Variants in MAP2K7 observed in about 807,000 individuals in gnomAD.
MAP2K7 encodes the protein dual specificity mitogen-activated protein kinase kinase 7.
Under a neutral mutation model 47.7 loss-of-function variants are expected in MAP2K7, and 12 were observed. The observed-to-expected ratio is 0.25, with a 90% CI of 0.16 to 0.41. The LOEUF (loss-of-function observed/expected upper bound fraction) is 0.41. Ranked by LOEUF, MAP2K7 falls within the 10% of genes least tolerant of loss-of-function variation. The pLI is 1.00. For missense variants in MAP2K7, 415 were observed against 600.3 expected (o/e 0.69, Z 3.23); for synonymous variants, 299 against 243.0 (o/e 1.23, Z -2.14).
Position 7,912,174 on chromosome 19 carries a change from C to T in MAP2K7, c.1105C>T (p.Pro369Ser), listed in dbSNP as rs1330906396. 6.2e-7 allele frequency: 1 copy of T among 1,613,938 alleles called. No homozygotes were observed. Among genetic ancestry groups the T allele is most frequent in the Non-Finnish European group, 8.5e-7 (1 of 1,179,996 alleles). ...DCLTKDHRKR[P>S]KYNKLLEHSF... ...CCTTACTAAAGATCACAGGAAGAGA[C>T]CAAAGTATAATAAGCTACTTGTGAG... Residue 369 changes from proline to serine, a missense_variant, in exon 10 of 11, where the codon CCA (proline) becomes TCA (serine). Pro to Ser is a moderately conservative substitution (Grantham distance 74, BLOSUM62 -1). This residue lies in a region of MAP2K7 where 94 missense variants were observed against 105.2 expected (regional missense o/e 0.89). Coordinates refer to ENST00000397979, the MANE Select transcript of MAP2K7 (RefSeq NM_145185.4).
At chr19:7,910,942 GC>G in intron 6 of MAP2K7, 37 bp from the exon 7 acceptor site, 1 of 1,597,530 alleles carries the variant, frequency 6.3e-7, no homozygotes, top group Non-Finnish European at 8.6e-7. Context: ...TTGGGTCTGT[GC>G]CCCCTGCCAC....
chr19:7,907,934 G>A lies in MAP2K7; in HGVS notation c.125-1821G>A, dbSNP rs994105440. On this transcript the variant is annotated intron_variant, in intron 1 of 10. Coordinates refer to ENST00000397979, the MANE Select transcript of MAP2K7 (RefSeq NM_145185.4). ...GGCTGTGGCTCAGGCCATGGACAGA[G>A]CAGAGGCGCAGGGACCTGAAGAAGC... Among the ~76,000 whole-genome samples, 28 of 152,168 alleles carry A rather than the reference G, an allele frequency of 1.8e-4. No homozygotes were observed. In the East Asian group the frequency reaches 3.1e-3, roughly 17 times the overall value.
chr19:7,907,463 G>T (rs540916769), intron 1 of MAP2K7, among the ~76,000 whole-genome samples: 1 of 152,174 alleles, frequency 6.6e-6, no homozygotes, highest in East Asian at 1.9e-4. Context: ...GGCTCCTGTC[G>T]GCAGACACGT....
chr19:7,905,754 G>A (rs1982405578), intron 1 of MAP2K7: 10 of 1,438,160 alleles, frequency 7.0e-6, no homozygotes, highest in African/African-American at 2.8e-5. Context: ...CGAATCAGTC[G>A]TTTCTGTTGT....
rs1568281518 is a variant in MAP2K7, at chr19:7,913,070, T to TC, written c.*639_*640insC. 1.4e-5 allele frequency: 2 copies of TC among 139,692 alleles called. No individual in the cohort carries two copies. Among genetic ancestry groups the TC allele is most frequent in the East Asian group, 2.1e-4 (1 of 4,770 alleles). 8.7% of individuals were successfully genotyped at this position (139,692 alleles called of 1,614,324 possible). ...TCTCTCTCTCTCTCTCTCTCTCTCT[T>TC]TGATCTCAGGGGGTCCTTTTTGGAG... On this transcript the variant is annotated 3_prime_UTR_variant, in exon 11 of 11. Coordinates refer to ENST00000397979, the MANE Select transcript of MAP2K7 (RefSeq NM_145185.4).
Position 7,910,536 on chromosome 19 carries a change from C to G in MAP2K7, c.531C>G (p.Pro177=). 1 of 1,613,706 alleles carries G rather than the reference C, an allele frequency of 6.2e-7. No individual in the cohort carries two copies. The highest frequency in any genetic ancestry group is 1.1e-5 in the South Asian group (1 of 91,088). The change falls in exon 5 of 11, where the codon CCC becomes CCG. Residue 177 remains proline (P), a synonymous_variant. Transcript: ENST00000397979. ...TGGTGCTGAAGAGCCACGACTGCCC[C>G]TACATCGTGCAGTGCTTTGGGACGT... ...LDVVLKSHDC[P]YIVQCFGTFI...
At chr19:7,906,181 G>A (rs1200001135) in intron 1 of MAP2K7, 11 of 361,752 alleles carry the variant, frequency 3.0e-5, no homozygotes, top group African/African-American at 1.0e-4. Context: ...CTGAGAGAAC[G>A]AGAAAGTTGG....
chr19:7,909,647 C>G (rs999920152), intron 1 of MAP2K7, 108 bp from the exon 2 acceptor site: 12 of 642,830 alleles, frequency 1.9e-5, no homozygotes, highest in Middle Eastern at 4.2e-4. Context: ...CTCGGGAAAC[C>G]CAGGAGGGGA....
chr19:7,909,902 C>T lies in MAP2K7; in HGVS notation c.266+6C>T, dbSNP rs891672367. The T allele has an allele frequency of 2.3e-5, 34 of 1,510,600 alleles. No homozygotes were observed. The Middle Eastern group carries it at 9.2e-4, about 41-fold the overall frequency. 93.6% of individuals were successfully genotyped at this position (1,510,600 alleles called of 1,614,324 possible). The stretch of plus-strand genomic sequence containing the variant: ...ACACCCCGCAGCATGGAGAGGTGAG[C>T]CAGGGGCCCAGCAGGGTTGGGTGGG... On this transcript the variant is annotated splice_donor_region_variant and intron_variant, in intron 2 of 10. Transcript: ENST00000397979.
chr19:7,910,198 G>A (rs768877000), intron 3 of MAP2K7, 62 bp from the exon 4 acceptor site: 36 of 1,601,420 alleles, frequency 2.2e-5, no homozygotes, highest in Middle Eastern at 1.7e-4. Context: ...GGGAGCGCCA[G>A]TGGGGGGCAG....
Position 7,912,832 on chromosome 19 carries a change from G to A in MAP2K7, c.*401G>A, listed in dbSNP as rs1451249973. 1.3e-5 allele frequency: 3 copies of A among 231,568 alleles called. No homozygotes were observed. Among genetic ancestry groups the A allele is most frequent in the Admixed American group, 5.2e-5 (1 of 19,244 alleles). The allele number at this position is 231,568 out of a possible 1,614,324, so 14.3% of individuals were successfully genotyped here. ...CCCACGCGCCCGTTCCTCTTCCGTCGCCCTCTGTCCCCTGCTCTACCTCTC... is the reference window on the plus strand; with the variant it reads ...CCCACGCGCCCGTTCCTCTTCCGTCACCCTCTGTCCCCTGCTCTACCTCTC... On this transcript the variant is annotated 3_prime_UTR_variant, in exon 11 of 11. Transcript: ENST00000397979.
At position 7,909,913 on chromosome 19, in the gene MAP2K7, G is replaced by A; in HGVS notation, c.266+17G>A. ...CATGGAGAGGTGAGCCAGGGGCCCA[G>A]CAGGGTTGGGTGGGAAGCAGCATTG... is the stretch of plus-strand genomic sequence containing the variant. On this transcript the variant is annotated intron_variant, in intron 2 of 10. Transcript: ENST00000397979. 1 of 1,506,344 alleles carries A rather than the reference G, an allele frequency of 6.6e-7. No homozygotes were observed. The highest frequency in any genetic ancestry group is 8.9e-7 in the Non-Finnish European group (1 of 1,123,662). The allele number at this position is 1,506,344 out of a possible 1,614,324, so 93.3% of individuals were successfully genotyped here. A position where few individuals can be genotyped will look rare whatever the true frequency, so the allele number is the denominator to read the frequency against.
Position 7,912,361 on chromosome 19 carries a change from T to TCATGGCGAAGACTGA in MAP2K7, c.1191_1205dup (p.Thr401_Glu402insAspMetAlaLysThr), listed in dbSNP as rs751711337. On this transcript the variant is annotated inframe_insertion, in exon 11 of 11. Coordinates refer to ENST00000397979, the MANE Select transcript of MAP2K7 (RefSeq NM_145185.4). ...GACGTGGCGTCCTGGTTCAAGGATG[T>TCATGGCGAAGACTGA]CATGGCGAAGACTGAGTCACCGCGG... 3 of 1,613,278 alleles carry TCATGGCGAAGACTGA rather than the reference T, an allele frequency of 1.9e-6. No homozygotes were observed. The Admixed American group carries it at 5.0e-5, about 27-fold the overall frequency.
In MAP2K7 at chr19:7,910,060, C is replaced by A; in HGVS notation, c.267-3C>A. The stretch of plus-strand genomic sequence containing the variant: ...TCCACCGGCACCTGCTCCATGTCCC[C>A]AGCATTGAGATTGACCAGAAGCTGC... On this transcript the variant is annotated splice_polypyrimidine_tract_variant and splice_region_variant and intron_variant, in intron 2 of 10. Transcript: ENST00000397979. The A allele has an allele frequency of 6.2e-7, 1 of 1,600,110 alleles. No individual in the cohort carries two copies. The highest frequency in any genetic ancestry group is 2.2e-5 in the East Asian group (1 of 44,538).
intron 1 of MAP2K7, among the ~76,000 whole-genome samples, chr19:7,909,169 T>G (rs1982652829): frequency 6.6e-6 from 1 of 152,200 alleles, no homozygotes; most frequent in Non-Finnish European, 1.5e-5. Context: ...GAGGCCCTCA[T>G]GTCAGCCCAC....
At chr19:7,906,071 G>T (rs543755216) in intron 1 of MAP2K7, 203 of 585,686 alleles carry the variant, frequency 3.5e-4, no homozygotes, top group South Asian at 5.3e-4. Flanking sequence ...CTTACTCCCA[G>T]CTCCACTTTG....
rs759996040 is a variant in MAP2K7, at chr19:7,910,758, G to A, written c.630G>A (p.Met210Ile). Residue 210 changes from methionine (M) to isoleucine (I), a missense_variant, in exon 6 of 11, where the codon ATG (methionine) becomes ATA (isoleucine). Met to Ile is a conservative substitution (Grantham distance 10). Transcript: ENST00000397979. Reference sequence around the variant, plus strand: ...GCGCTGAGAAGCTCAAGAAGCGGATGCAGGGCCCCATCCCCGAGCGCATTC... The same window carrying A: ...GCGCTGAGAAGCTCAAGAAGCGGATACAGGGCCCCATCCCCGAGCGCATTC... The part of the protein sequence containing the change: ...GTCAEKLKKR[M>I]QGPIPERILG... 15 of 1,612,082 alleles carry A rather than the reference G, an allele frequency of 9.3e-6. No homozygotes were observed. The South Asian group carries it at 1.5e-4, about 17-fold the overall frequency.
chr19:7,911,033 C>A lies in MAP2K7; in HGVS notation c.729C>A (p.Asp243Glu). 6.2e-7 allele frequency: 1 copy of A among 1,612,786 alleles called. No homozygotes were observed. Among genetic ancestry groups the A allele is most frequent in the Non-Finnish European group, 8.5e-7 (1 of 1,179,890 alleles). ...LKEKHGVIHR[D>E]VKPSNILLDE... ...AGAAGCACGGTGTCATCCACCGCGA[C>A]GTCAAGCCCTCCAACATCCTGCTGG... Residue 243 changes from aspartate (D) to glutamate (E), a missense_variant, in exon 7 of 11, where the codon GAC becomes GAA. Asp to Glu is a conservative substitution (Grantham distance 45, BLOSUM62 2). Coordinates refer to ENST00000397979, the MANE Select transcript of MAP2K7 (RefSeq NM_145185.4).
intron 1 of MAP2K7, chr19:7,905,724 T>A: frequency 8.1e-7 from 1 of 1,235,422 alleles, no homozygotes; most frequent in Non-Finnish European, 1.2e-6. Flanking sequence ...CGTTTATGAT[T>A]TGATTTCTTT....
Sources: allele counts gnomAD v4.1 joint callset (sites outside exome capture counted in the v4.1 genomes callset), GRCh38; gene constraint gnomAD v4.1.1; regional missense constraint gnomAD v4.1.1; transcripts MANE v1.5; gene names NCBI Gene and HGNC (gene_info 2026-07-23, HGNC 2026-07-21).